Variants in ARHGEF7 observed in about 807,000 individuals in gnomAD.
ARHGEF7 encodes the protein PAK-interacting exchange factor beta.
ARHGEF7 carries 33 observed loss-of-function variants against 109.8 expected under a neutral mutation model. The ratio of observed to expected loss-of-function variants is 0.30; its 90% CI spans 0.23 to 0.40. The LOEUF is 0.40. ARHGEF7 is among the 10% of genes least tolerant of loss of function. The probability of loss-of-function intolerance (pLI) is 1.00; values close to 1 mark genes in which losing one functional copy is unlikely to be tolerated. For missense variants in ARHGEF7, 938 were observed against 1,098.5 expected (o/e 0.85, Z 2.07); for synonymous variants, 458 against 424.6 (o/e 1.08, Z -0.97).
At chr13:111,170,610 G>T (rs2077515287) in intron 2 of ARHGEF7, among the ~76,000 whole-genome samples, 1 of 152,178 alleles carries the variant, frequency 6.6e-6, no homozygotes, top group Non-Finnish European at 1.5e-5. Flanking sequence ...GTGCTAAGTG[G>T]CCGGGGAAAG....
At chr13:111,227,923 G>A (rs1257980841) in intron 5 of ARHGEF7, among the ~76,000 whole-genome samples, 1 of 152,164 alleles carries the variant, frequency 6.6e-6, no homozygotes, top group East Asian at 1.9e-4. Flanking sequence ...GCATTGTCAA[G>A]GTTGTTCACA....
At chr13:111,202,130 C>T (rs2081277820) in intron 2 of ARHGEF7, among the ~76,000 whole-genome samples, 1 of 152,110 alleles carries the variant, frequency 6.6e-6, no homozygotes, top group South Asian at 2.1e-4. Context: ...TACGCTTTTT[C>T]AAATGGATAG....
At position 111,304,875 on chromosome 13, in the gene ARHGEF7, GT is replaced by G. The variant is rs1181251516; in HGVS notation, c.*1766del. ...ACACTTTCTTTTTTGGTAAGCTTGA[GT>G]TTTACAAGTTATTTTTTGGTGATGC... is the stretch of plus-strand genomic sequence containing the variant. On this transcript the variant is annotated 3_prime_UTR_variant, in exon 22 of 22. Transcript: ENST00000646102. 1 of 152,250 alleles carries G rather than the reference GT, an allele frequency of 6.6e-6. No homozygotes were observed. Among genetic ancestry groups the G allele is most frequent in the Non-Finnish European group, 1.5e-5 (1 of 68,046 alleles). 9.4% of individuals were successfully genotyped at this position (152,250 alleles called of 1,614,324 possible).
At chr13:111,192,782 C>T (rs111380607) in intron 2 of ARHGEF7, among the ~76,000 whole-genome samples, 23 of 152,312 alleles carry the variant, frequency 1.5e-4, no homozygotes, top group African/African-American at 4.6e-4. Flanking sequence ...TTTGGAGAAG[C>T]CCAAATCTAG....
At chr13:111,125,917 T>C (rs1702323372) in intron 1 of ARHGEF7, among the ~76,000 whole-genome samples, 1 of 152,230 alleles carries the variant, frequency 6.6e-6, no homozygotes, top group Non-Finnish European at 1.5e-5. Context: ...TGATAGGAAA[T>C]TGGGAGATTC....
intron 16 of ARHGEF7, among the ~76,000 whole-genome samples, chr13:111,284,389 T>C (rs1358532768): frequency 6.6e-6 from 1 of 152,188 alleles, no homozygotes; most frequent in Non-Finnish European, 1.5e-5. Context: ...GTCTTTGTTT[T>C]TATGATATCT....
At chr13:111,269,923 G>A (rs1317473405) in intron 9 of ARHGEF7, among the ~76,000 whole-genome samples, 1 of 152,150 alleles carries the variant, frequency 6.6e-6, no homozygotes, top group African/African-American at 2.4e-5. Flanking sequence ...TGTGTGTGAC[G>A]GTCTTTAAGC....
At chr13:111,259,457 G>A (rs1472331785) in intron 8 of ARHGEF7, among the ~76,000 whole-genome samples, 1 of 152,188 alleles carries the variant, frequency 6.6e-6, no homozygotes, top group Non-Finnish European at 1.5e-5. Flanking sequence ...AAGAGTCTCT[G>A]CCTAGTAATT....
chr13:111,202,688 G>A (rs2081340067), intron 2 of ARHGEF7, among the ~76,000 whole-genome samples: 1 of 152,138 alleles, frequency 6.6e-6, no homozygotes, highest in African/African-American at 2.4e-5. Context: ...TTTACTTTTT[G>A]CAGAGAGATT....
At chr13:111,133,797 A>G (rs1413653270) in intron 1 of ARHGEF7, among the ~76,000 whole-genome samples, 610 of 40,294 alleles carry the variant, frequency 0.015, 33 homozygotes, top group African/African-American at 0.037. Context: ...ATATATATAT[A>G]TATATATATA....
chr13:111,123,870 C>CCG (rs1566590991), intron 1 of ARHGEF7, among the ~76,000 whole-genome samples: 1 of 146,358 alleles, frequency 6.8e-6, no homozygotes, highest in Non-Finnish European at 1.5e-5. Context: ...GCGCCCCCCC[C>CCG]CCCCGGCCCC....
chr13:111,269,212 A>G (rs1023954365), intron 9 of ARHGEF7, among the ~76,000 whole-genome samples: 10 of 152,236 alleles, frequency 6.6e-5, no homozygotes, highest in Admixed American at 2.0e-4. Context: ...GTTATGCGCT[A>G]TGCCCCTACC....
At chr13:111,149,339 G>T (rs1156693338) in intron 1 of ARHGEF7, among the ~76,000 whole-genome samples, 1 of 151,968 alleles carries the variant, frequency 6.6e-6, no homozygotes, top group Non-Finnish European at 1.5e-5. Flanking sequence ...GTAACATATT[G>T]TTTTCATCAT....
chr13:111,188,152 A>G (rs2079463926), intron 2 of ARHGEF7, among the ~76,000 whole-genome samples: 1 of 152,082 alleles, frequency 6.6e-6, no homozygotes, highest in Non-Finnish European at 1.5e-5. Context: ...CCGTTCTCTG[A>G]GGACTCAGGA....
At chr13:111,158,066 A>C (rs1171335796) in intron 2 of ARHGEF7, among the ~76,000 whole-genome samples, 1 of 152,258 alleles carries the variant, frequency 6.6e-6, no homozygotes, top group Non-Finnish European at 1.5e-5. Context: ...GCTCACATTA[A>C]TAACGTGGTT....
In ARHGEF7 at chr13:111,190,354, G is replaced by A. The variant is rs928910709; in HGVS notation, c.253-14935G>A. 7.2e-5 allele frequency among the ~76,000 whole-genome samples: 11 copies of A among 151,854 alleles called. No individual in the cohort carries two copies. The East Asian group carries it at 7.7e-4, about 11-fold the overall frequency. ...TCAGAAGCCTTTTCCCGTAAACACCGGGCAGCATCTCGTACTATCCCTGAC... is the reference window on the plus strand; with the variant it reads ...TCAGAAGCCTTTTCCCGTAAACACCAGGCAGCATCTCGTACTATCCCTGAC... On this transcript the variant is annotated intron_variant, in intron 2 of 21. Transcript: ENST00000646102.
chr13:111,201,919 T>C (rs555210785), intron 2 of ARHGEF7, among the ~76,000 whole-genome samples: 62 of 152,362 alleles, frequency 4.1e-4, no homozygotes, highest in African/African-American at 1.3e-3. Flanking sequence ...TTGAATACTC[T>C]GGGCTTCTTT....
rs569577752 is a variant in ARHGEF7, at chr13:111,295,033, T to C, written c.2311+2739T>C. ...AATGGGAAAAGCCATTTTTAGTAGGTGACTACCATTTGAAAAACTCAATTG... is the reference window on the plus strand; with the variant it reads ...AATGGGAAAAGCCATTTTTAGTAGGCGACTACCATTTGAAAAACTCAATTG... On this transcript the variant is annotated intron_variant, in intron 19 of 21. Coordinates refer to ENST00000646102, the MANE Select transcript of ARHGEF7 (RefSeq NM_001354046.2). 74 of 985,854 alleles carry C rather than the reference T, an allele frequency of 7.5e-5. 1 individual carries two copies. In the African/African-American group the frequency reaches 1.3e-3, roughly 17 times the overall value. The allele number at this position is 985,854 out of a possible 1,614,324, so 61.1% of individuals were successfully genotyped here. A position where few individuals can be genotyped will look rare whatever the true frequency, so the allele number is the denominator to read the frequency against.
chr13:111,193,369 T>C (rs1297535014), intron 2 of ARHGEF7, among the ~76,000 whole-genome samples: 1 of 152,224 alleles, frequency 6.6e-6, no homozygotes, highest in African/African-American at 2.4e-5. Context: ...GCATCTGCCC[T>C]GCGGTTTCCT....
Sources: allele counts gnomAD v4.1 joint callset (sites outside exome capture counted in the v4.1 genomes callset), GRCh38; gene constraint gnomAD v4.1.1; transcripts MANE v1.5; gene names NCBI Gene and HGNC (gene_info 2026-07-23, HGNC 2026-07-21).